Variants in DGCR2 observed in about 807,000 individuals in gnomAD.
DGCR2 encodes the protein DiGeorge syndrome critical region gene 2.
A neutral mutation model predicts 51.6 loss-of-function variants in DGCR2; 24 were observed. The ratio of observed to expected loss-of-function variants is 0.47; its 90% CI spans 0.34 to 0.65. The LOEUF is 0.65. DGCR2 is among the 30% of genes least tolerant of loss of function. The probability of loss-of-function intolerance (pLI) is 0.01; values close to 1 mark genes in which losing one functional copy is unlikely to be tolerated. For synonymous variants in DGCR2, 340 were observed against 315.4 expected (o/e 1.08, Z -0.82); for missense variants, 765 against 772.1 (o/e 0.99, Z 0.11).
In DGCR2 at chr22:19,048,557, T is replaced by C. The variant is rs766432945; in HGVS notation, c.889A>G (p.Thr297Ala). The C allele has an allele frequency of 1.2e-4, 197 of 1,614,024 alleles. 2 individuals carry two copies. In the South Asian group the frequency reaches 2.0e-3, roughly 17 times the overall value. The change falls in exon 7 of 10, where the codon ACC becomes GCC. Residue 297 changes from threonine to alanine, a missense_variant. Transcript: ENST00000263196. The part of the protein sequence containing the change: ...PKGDDPCLSC[T>A]CHGGEPEMCV... ...ATCTCAGGCTCCCCTCCATGGCAGG[T>C]GCAGCTCAGGCATGGGTCGTCCCCC...
intron 1 of DGCR2, among the ~76,000 whole-genome samples, chr22:19,097,636 T>TA (rs964593532): frequency 6.6e-6 from 1 of 152,188 alleles, no homozygotes; most frequent in Non-Finnish European, 1.5e-5. Flanking sequence ...CGACCACACT[T>TA]AGTGTCCATA....
At chr22:19,050,730 T>C (rs2082539474) in intron 6 of DGCR2, among the ~76,000 whole-genome samples, 1 of 152,256 alleles carries the variant, frequency 6.6e-6, no homozygotes, top group African/African-American at 2.4e-5. Context: ...AAAGCTATAC[T>C]GGACTAAAGA....
At chr22:19,084,643 G>A (rs1465059053) in intron 2 of DGCR2, among the ~76,000 whole-genome samples, 2 of 150,464 alleles carry the variant, frequency 1.3e-5, no homozygotes, top group Admixed American at 6.6e-5. Context: ...TCTCCGCCCG[G>A]CAGCCACCCC....
intron 1 of DGCR2, among the ~76,000 whole-genome samples, chr22:19,109,056 T>TA (rs1340098041): frequency 6.6e-6 from 1 of 152,016 alleles, no homozygotes; most frequent in East Asian, 1.9e-4. Context: ...AAAACCTCCT[T>TA]AATCATCAGG....
At chr22:19,086,893 C>T (rs2083022877) in intron 2 of DGCR2, among the ~76,000 whole-genome samples, 1 of 152,170 alleles carries the variant, frequency 6.6e-6, no homozygotes, top group Non-Finnish European at 1.5e-5. Flanking sequence ...GAAAGATGAA[C>T]AAGGTGGCAA....
intron 2 of DGCR2, among the ~76,000 whole-genome samples, chr22:19,088,079 G>A (rs1449648834): frequency 6.6e-6 from 1 of 152,134 alleles, no homozygotes; most frequent in Admixed American, 6.5e-5. Flanking sequence ...AAGTTCAAAT[G>A]TCACCTAATC....
intron 7 of DGCR2, among the ~76,000 whole-genome samples, chr22:19,043,738 C>T (rs2082458477): frequency 6.6e-6 from 1 of 152,148 alleles, no homozygotes; most frequent in South Asian, 2.1e-4. Context: ...ACTTCACAAC[C>T]CCCGTGTGAG....
At chr22:19,098,568 T>G (rs1031971394) in intron 1 of DGCR2, among the ~76,000 whole-genome samples, 1 of 152,094 alleles carries the variant, frequency 6.6e-6, no homozygotes. Flanking sequence ...AGTATACATA[T>G]AGGGACATTT....
intron 2 of DGCR2, among the ~76,000 whole-genome samples, chr22:19,076,723 C>CTTTTTTTTT (rs1228247995): frequency 9.3e-5 from 11 of 118,772 alleles, no homozygotes; most frequent in African/African-American, 2.2e-4. Flanking sequence ...GTCCTTTGCA[C>CTTTTTTTTT]ATTTTTTTTT....
chr22:19,083,673 C>G (rs114247691), intron 2 of DGCR2, among the ~76,000 whole-genome samples: 2,160 of 119,374 alleles, frequency 0.018, 59 homozygotes, highest in African/African-American at 0.058. Flanking sequence ...AAAGATGGTT[C>G]CCCTCTCCCT....
At chr22:19,086,247 GAGA>G (rs769249839) in intron 2 of DGCR2, among the ~76,000 whole-genome samples, 99 of 152,178 alleles carry the variant, frequency 6.5e-4, no homozygotes, top group Middle Eastern at 6.8e-3. Flanking sequence ...GGAGGCCGAG[GAGA>G]GCGGATCACA....
chr22:19,053,777 A>G (rs187534748), intron 6 of DGCR2, among the ~76,000 whole-genome samples: 68 of 152,390 alleles, frequency 4.5e-4, no homozygotes, highest in African/African-American at 1.6e-3. Context: ...AACTACGATT[A>G]ATTTGTTAAA....
intron 7 of DGCR2, chr22:19,046,342 T>C (rs1477660210): frequency 6.6e-6 from 1 of 152,274 alleles, no homozygotes; most frequent in Non-Finnish European, 1.5e-5. Flanking sequence ...TATATAAATA[T>C]GATGAATTTT....
rs2145975842 is a variant in DGCR2 at position 19,068,204 on chromosome 22, G to A, written c.224C>T (p.Pro75Leu). 4 of 1,607,508 alleles carry A rather than the reference G, an allele frequency of 2.5e-6. No homozygotes were observed. Among genetic ancestry groups the A allele is most frequent in the East Asian group, 2.2e-5 (1 of 44,576 alleles). ...ATCCACAGCCTCCTTCCCATGATGA[G>A]GACGCACCTCCCCGGTCACTTCTGA... Reference protein sequence around the residue: ...NCPEVTGEVRPHHGKEAVDPR... With the variant: ...NCPEVTGEVRLHHGKEAVDPR... The change falls in exon 3 of 10, where the codon CCT becomes CTT. Residue 75 changes from proline to leucine, a missense_variant. Around this residue, in one of 3 missense-constraint regions of DGCR2, gnomAD observed 370 missense variants for 325.5 expected, o/e 1.14. Transcript: ENST00000263196.
intron 7 of DGCR2, chr22:19,046,733 A>G (rs1199586932): frequency 2.3e-6 from 1 of 437,466 alleles, no homozygotes; most frequent in Non-Finnish European, 4.7e-6. Flanking sequence ...GGGCAGGCAG[A>G]GCAGGGCCCA....
At chr22:19,046,999 ACT>A (rs1475483347) in intron 7 of DGCR2, 1 of 156,892 alleles carries the variant, frequency 6.4e-6, no homozygotes, top group African/African-American at 2.4e-5. Flanking sequence ...ACAGAGTTTG[ACT>A]CTTGTAGCCA....
chr22:19,122,198 G>A lies in DGCR2; in HGVS notation c.9C>T (p.Pro3=), dbSNP rs2083442263. 2.0e-6 allele frequency: 3 copies of A among 1,507,872 alleles called. No homozygotes were observed. The highest frequency in any genetic ancestry group is 2.7e-6 in the Non-Finnish European group (3 of 1,127,216). 93.4% of individuals were successfully genotyped at this position (1,507,872 alleles called of 1,614,324 possible). The change falls in exon 1 of 10, where the codon CCC becomes CCT. Residue 3 remains proline, a synonymous_variant. Coordinates refer to ENST00000263196, the MANE Select transcript of DGCR2 (RefSeq NM_005137.3). ...GCAGGAAGGCGCCGCTGTCTGCCTT[G>A]GGCACCATTTATCCTCCGTTCATCG... is the stretch of plus-strand genomic sequence containing the variant. MV[P]KADSGAFLLL...
intron 1 of DGCR2, among the ~76,000 whole-genome samples, chr22:19,099,660 T>A (rs767872207): frequency 4.6e-5 from 7 of 151,924 alleles, no homozygotes; most frequent in Non-Finnish European, 7.4e-5. Context: ...TTCTGCCACA[T>A]ACAAAGTTGC....
intron 9 of DGCR2, among the ~76,000 whole-genome samples, chr22:19,040,084 C>T (rs2283641): frequency 0.43 from 65,421 of 151,970 alleles, 14,444 homozygotes; most frequent in African/African-American, 0.53. Context: ...ACCTCCCTCC[C>T]GGCCAGCCCC....
Sources: allele counts gnomAD v4.1 joint callset (sites outside exome capture counted in the v4.1 genomes callset), GRCh38; gene constraint gnomAD v4.1.1; regional missense constraint gnomAD v4.1.1; transcripts MANE v1.5; gene names NCBI Gene and HGNC (gene_info 2026-07-23, HGNC 2026-07-21).